NUP88: variants seen among roughly 807,000 people sequenced by gnomAD.
NUP88 encodes nuclear pore complex protein Nup88.
Under a neutral mutation model 93.9 loss-of-function variants are expected in NUP88, and 57 were observed. The ratio of observed to expected loss-of-function variants is 0.61; its 90% CI spans 0.49 to 0.76. The LOEUF (loss-of-function observed/expected upper bound fraction) is 0.76. Among genes scored for constraint, NUP88 ranks in the 30% least tolerant of loss-of-function variants. NUP88 has a pLI of 0.00. For missense variants in NUP88, 911 were observed against 901.0 expected, an observed-to-expected ratio of 1.01 and a Z score of -0.14; for synonymous variants, 346 against 336.8, an observed-to-expected ratio of 1.03 and a Z score of -0.30.
chr17:5,399,604 T>C lies in NUP88; in HGVS notation c.1239A>G (p.Val413=). The C allele has an allele frequency of 1.2e-6, 2 of 1,611,056 alleles. No individual in the cohort carries two copies. The highest frequency in any genetic ancestry group is 1.7e-6 in the Non-Finnish European group (2 of 1,177,902). Residue 413 remains valine, a synonymous_variant, in exon 8 of 17, where the codon GTA becomes GTG. Transcript: ENST00000573584. The part of the protein sequence containing the change: ...SRYHCTHEAG[V]HSVGLTWIHK... The stretch of plus-strand genomic sequence containing the variant: ...GAATCCAAGTTAGCCCAACACTATG[T>C]ACACCAGCTTCATGAGTACAGTGAT...
Position 5,388,925 on chromosome 17 carries a change from C to G in NUP88, c.1520G>C (p.Cys507Ser), listed in dbSNP as rs759120101. Residue 507 changes from cysteine (C) to serine (S), a missense_variant, in exon 11 of 17, where the codon TGT becomes TCT. By Grantham distance (112) the Cys-to-Ser change is moderately radical (BLOSUM62 -1). Coordinates refer to ENST00000573584, the MANE Select transcript of NUP88 (RefSeq NM_002532.6). The stretch of plus-strand genomic sequence containing the variant: ...TGCCACTTCAACATCTTCTCGAGTA[C>G]AAAGCAGGGGAGGAGACGCTGGATG... ...TVHPASPPLL[C>S]TREDVEVAES... 4 of 1,613,690 alleles carry G rather than the reference C, an allele frequency of 2.5e-6. No homozygotes were observed. The Admixed American group carries it at 5.0e-5, about 20-fold the overall frequency.
At chr17:5,392,994 C>T (rs1912538662) in intron 9 of NUP88, among the ~76,000 whole-genome samples, 1 of 152,068 alleles carries the variant, frequency 6.6e-6, no homozygotes, top group South Asian at 2.1e-4. Context: ...ACTCTGTTGC[C>T]CAGGCTGGAG....
At chr17:5,416,798 G>T in intron 1 of NUP88, 116 bp from the exon 2 acceptor site, 1 of 824,648 alleles carries the variant, frequency 1.2e-6, no homozygotes, top group Non-Finnish European at 1.8e-6. Context: ...TAAAACTCTG[G>T]ATAAGTACTC....
chr17:5,411,016 C>G (rs527806211), intron 3 of NUP88, among the ~76,000 whole-genome samples: 1 of 152,238 alleles, frequency 6.6e-6, no homozygotes, highest in South Asian at 2.1e-4. Context: ...TTACCAATAC[C>G]CTTTAACAGC....
At chr17:5,412,583 G>A (rs573651331) in intron 3 of NUP88, among the ~76,000 whole-genome samples, 2 of 152,194 alleles carry the variant, frequency 1.3e-5, no homozygotes, top group East Asian at 1.9e-4. Flanking sequence ...GAACTGACAG[G>A]AGCCAATGGG....
At chr17:5,404,650 A>G (rs975758531) in intron 6 of NUP88, among the ~76,000 whole-genome samples, 1 of 151,956 alleles carries the variant, frequency 6.6e-6, no homozygotes, top group Non-Finnish European at 1.5e-5. Flanking sequence ...AAAAAAATTG[A>G]AAAAAAAGCT....
chr17:5,419,385 C>T lies in NUP88; in HGVS notation c.266G>A (p.Gly89Asp). 1.2e-6 allele frequency: 2 copies of T among 1,603,270 alleles called. No homozygotes were observed. The highest frequency in any genetic ancestry group is 3.5e-5 in the Admixed American group (2 of 57,540). Reference protein sequence around the residue: ...LVVRLRGPSGGGEEPALSQYQ... With the variant: ...LVVRLRGPSGDGEEPALSQYQ... ...CTGGGACAGGGCGGGCTCTTCGCCG[C>T]CGCCGCTGGGGCCCCGAAGGCGAAC... Residue 89 changes from glycine to aspartate, a missense_variant, in exon 1 of 17, where the codon GGC (glycine) becomes GAC (aspartate). By Grantham distance (94) the Gly-to-Asp change is moderately conservative. Transcript: ENST00000573584.
chr17:5,396,399 T>C (rs971460027), intron 8 of NUP88, among the ~76,000 whole-genome samples: 2 of 152,248 alleles, frequency 1.3e-5, no homozygotes, highest in African/African-American at 4.8e-5. Flanking sequence ...ATACAGTTGT[T>C]TGTAACTGGC....
Position 5,391,556 on chromosome 17 carries a change from C to T in NUP88, c.1484+5G>A, listed in dbSNP as rs765393042. ...GCTGTGTGGAGAATATAAAATGGGA[C>T]GTACAATAACGGCCATATGAGGCAT... On this transcript the variant is annotated splice_donor_5th_base_variant and intron_variant, in intron 10 of 16. Coordinates refer to ENST00000573584, the MANE Select transcript of NUP88 (RefSeq NM_002532.6). 14 of 1,605,298 alleles carry T rather than the reference C, an allele frequency of 8.7e-6. No homozygotes were observed. Among genetic ancestry groups the T allele is most frequent in the East Asian group, 2.2e-5 (1 of 44,852 alleles).
chr17:5,418,602 C>T (rs1914351369), intron 1 of NUP88, among the ~76,000 whole-genome samples: 1 of 152,124 alleles, frequency 6.6e-6, no homozygotes, highest in African/African-American at 2.4e-5. Context: ...CTGTAGACTC[C>T]TGCCCTATTT....
At chr17:5,399,696 T>C (rs759284459) in intron 7 of NUP88, 46 bp from the exon 8 acceptor site, 11 of 1,020,494 alleles carry the variant, frequency 1.1e-5, no homozygotes, top group Non-Finnish European at 1.5e-5. Flanking sequence ...AGTGGATAAC[T>C]AAAAAAATTT....
chr17:5,410,868 G>C (rs1806254), intron 3 of NUP88, 79 bp from the exon 4 acceptor site: 2 of 868,942 alleles, frequency 2.3e-6, no homozygotes, highest in Non-Finnish European at 3.8e-6. Flanking sequence ...TCTCCATCTA[G>C]TCAGTTCTTG....
Position 5,419,621 on chromosome 17 carries a change from G to A in NUP88, c.30C>T (p.Asp10=), listed in dbSNP as rs910207195. 6.3e-7 allele frequency: 1 copy of A among 1,595,676 alleles called. No homozygotes were observed. Among genetic ancestry groups the A allele is most frequent in the Non-Finnish European group, 8.5e-7 (1 of 1,169,686 alleles). Residue 10 remains aspartate (D), a synonymous_variant, in exon 1 of 17, where the codon GAC becomes GAT. Transcript: ENST00000573584. The part of the protein sequence containing the change: MAAAEGPVG[D]GELWQTWLPN... The stretch of plus-strand genomic sequence containing the variant: ...GAAGCCAGGTCTGCCACAGCTCGCC[G>A]TCGCCCACCGGTCCCTCGGCGGCCG...
chr17:5,416,710 T>C (rs1435548769), intron 1 of NUP88, 28 bp from the exon 2 acceptor site: 7 of 1,572,120 alleles, frequency 4.5e-6, no homozygotes, highest in African/African-American at 2.8e-5. Context: ...CCAGTCAACA[T>C]AGTTAATTTT....
intron 3 of NUP88, among the ~76,000 whole-genome samples, chr17:5,412,121 T>C (rs141928723): frequency 1.1e-3 from 175 of 152,292 alleles, no homozygotes; most frequent in African/African-American, 4.2e-3. Flanking sequence ...CCTTCAATAT[T>C]TGGGGCCAGA....
chr17:5,386,953 C>T (rs762659069), intron 15 of NUP88, 31 bp downstream of exon 15: 2 of 1,603,648 alleles, frequency 1.2e-6, no homozygotes, highest in East Asian at 2.2e-5. Flanking sequence ...AGAAAAATTA[C>T]CAAATTTAGC....
chr17:5,417,708 G>A (rs774690793), intron 1 of NUP88, among the ~76,000 whole-genome samples: 5 of 151,716 alleles, frequency 3.3e-5, no homozygotes, highest in African/African-American at 4.8e-5. Context: ...GTACGGTGGA[G>A]TGGGCCTGTA....
At chr17:5,415,460 G>T (rs1914081497) in intron 2 of NUP88, among the ~76,000 whole-genome samples, 1 of 152,134 alleles carries the variant, frequency 6.6e-6, no homozygotes. Context: ...GAAATTACAA[G>T]GGCAGATATT....
intron 8 of NUP88, among the ~76,000 whole-genome samples, chr17:5,396,842 C>A (rs935866644): frequency 6.6e-6 from 1 of 152,112 alleles, no homozygotes; most frequent in Non-Finnish European, 1.5e-5. Flanking sequence ...TGACGTGATA[C>A]CTCATTGTGG....
Sources: gnomAD v4.1 joint callset for allele counts (sites outside exome capture counted in the v4.1 genomes callset) on GRCh38, gnomAD v4.1.1 for gene constraint, MANE v1.5 for transcripts, NCBI Gene and HGNC (gene_info 2026-07-23, HGNC 2026-07-21) for gene names.